WNT8B: variants seen among roughly 807,000 people sequenced by gnomAD.
WNT8B encodes the protein Wnt family member 8B.
In WNT8B, 24 loss-of-function variants were observed where a neutral mutation model predicts 36.6. That is an observed-to-expected ratio of 0.66 (90% CI 0.48 to 0.92). WNT8B has a LOEUF of 0.92. Ranked by LOEUF, WNT8B falls within the 40% of genes least tolerant of loss-of-function variation. WNT8B has a pLI of 0.00. For missense variants in WNT8B, 402 were observed against 470.8 expected, an observed-to-expected ratio of 0.85 and a Z score of 1.35; for synonymous variants, 199 against 189.8, an observed-to-expected ratio of 1.05 and a Z score of -0.40.
At position 100,482,035 on chromosome 10, in the gene WNT8B, A is replaced by G; in HGVS notation, c.491A>G (p.Asn164Ser). Residue 164 changes from asparagine (N) to serine (S), a missense_variant, in exon 5 of 6, where the codon AAC becomes AGC. Asn to Ser is a conservative substitution (Grantham distance 46, BLOSUM62 1). Transcript: ENST00000343737. The surrounding 1 kb of genome is among the most constrained non-coding windows in gnomAD (Gnocchi z 6.6). ...QDARAAMNLH[N>S]NEAGRKAVKG... ...GCACGGGCAGCCATGAACCTGCACA[A>G]CAACGAGGCTGGCCGCAAGGTGAGT... 1 of 1,614,228 alleles carries G rather than the reference A, an allele frequency of 6.2e-7. No homozygotes were observed. The highest frequency in any genetic ancestry group is 1.1e-5 in the South Asian group (1 of 91,082).
rs764994001 is a variant in WNT8B at position 100,482,780 on chromosome 10, G to A, written c.1020G>A (p.Arg340=). The A allele has an allele frequency of 6.3e-7, 1 of 1,587,544 alleles. No homozygotes were observed. ...TCTGTAGCCGCGCAGAGCGGCCGCGGGGGGGCGCTGCGCACAAACCCGGGA... is the reference window on the plus strand; with the variant it reads ...TCTGTAGCCGCGCAGAGCGGCCGCGAGGGGGCGCTGCGCACAAACCCGGGA... The part of the protein sequence containing the change: ...KYFCSRAERP[R]GGAAHKPGRK... The change falls in exon 6 of 6, where the codon CGG becomes CGA. Residue 340 remains arginine, a synonymous_variant. Transcript: ENST00000343737. The surrounding 1 kb of genome is among the most constrained non-coding windows in gnomAD (Gnocchi z 6.6).
Position 100,481,913 on chromosome 10 carries a change from G to A in WNT8B, c.369G>A (p.Gly123=). The A allele has an allele frequency of 1.9e-6, 3 of 1,614,100 alleles. No homozygotes were observed. The highest frequency in any genetic ancestry group is 2.5e-6 in the Non-Finnish European group (3 of 1,180,030). Residue 123 remains glycine (G), a splice_region_variant and synonymous_variant, in exon 5 of 6, where the codon GGG becomes GGA. Transcript: ENST00000343737. ...TGTCCTCCCTCTGCACTTTTCCAGGGGGACAAGGCTGGCTGTGGGGAGGCT... is the reference window on the plus strand; with the variant it reads ...TGTCCTCCCTCTGCACTTTTCCAGGAGGACAAGGCTGGCTGTGGGGAGGCT... ...GCDDSRNGQL[G]GQGWLWGGCS...
At chr10:100,465,882 T>C (rs1850902754) in intron 1 of WNT8B, among the ~76,000 whole-genome samples, 1 of 152,164 alleles carries the variant, frequency 6.6e-6, no homozygotes. Context: ...AATCAGTTAT[T>C]GGAGGAAGGT....
In WNT8B at chr10:100,479,861, T is replaced by A; in HGVS notation, c.103-13T>A. The A allele has an allele frequency of 3.1e-6, 5 of 1,613,620 alleles. No individual in the cohort carries two copies. The highest frequency in any genetic ancestry group is 4.2e-6 in the Non-Finnish European group (5 of 1,179,696). On this transcript the variant is annotated splice_polypyrimidine_tract_variant and intron_variant, in intron 2 of 5. Coordinates refer to ENST00000343737, the MANE Select transcript of WNT8B (RefSeq NM_003393.4). ...TAAGTTCAGTCTGAATTTTTACCCC[T>A]ATGTCCCTACAGGCTTACCTGATTT...
intron 1 of WNT8B, among the ~76,000 whole-genome samples, chr10:100,476,150 CA>C (rs917566659): frequency 1.3e-5 from 2 of 148,670 alleles, no homozygotes; most frequent in South Asian, 2.1e-4. Flanking sequence ...AAAAAAAAAT[CA>C]AAAAAAAATT....
rs1387917318 is a variant in WNT8B, at chr10:100,482,453, C to T, written c.693C>T (p.Arg231=). 3.1e-5 allele frequency: 49 copies of T among 1,604,570 alleles called. No individual in the cohort carries two copies. Among genetic ancestry groups the T allele is most frequent in the Non-Finnish European group, 4.1e-5 (48 of 1,179,852 alleles). Residue 231 remains arginine, a synonymous_variant, in exon 6 of 6, where the codon CGC becomes CGT. Transcript: ENST00000343737. The surrounding 1 kb of genome is among the most constrained non-coding windows in gnomAD (Gnocchi z 6.6). The part of the protein sequence containing the change: ...LQGAGNSAAG[R]GAIADTFRSI... ...GTGCTGGCAACAGCGCGGCCGGCCG[C>T]GGCGCCATCGCCGACACCTTTCGCT...
intron 1 of WNT8B, among the ~76,000 whole-genome samples, chr10:100,473,735 G>T (rs1851003953): frequency 6.6e-6 from 1 of 152,180 alleles, no homozygotes; most frequent in Non-Finnish European, 1.5e-5. Flanking sequence ...AGACCAGCCT[G>T]GCCAACGTGG....
At chr10:100,479,130 G>T (rs1488397067) in intron 2 of WNT8B, 45 bp downstream of exon 2, 2 of 1,535,664 alleles carry the variant, frequency 1.3e-6, no homozygotes, top group Non-Finnish European at 1.8e-6. Context: ...ACTAATCTTA[G>T]CCTGTTGACT....
intron 1 of WNT8B, among the ~76,000 whole-genome samples, chr10:100,476,267 C>T (rs754759423): frequency 5.9e-5 from 9 of 151,984 alleles, no homozygotes; most frequent in Non-Finnish European, 1.3e-4. Context: ...CGAGATGGCA[C>T]CACTCTAGCT....
intron 1 of WNT8B, among the ~76,000 whole-genome samples, chr10:100,473,208 G>T (rs2133653764): frequency 6.6e-6 from 1 of 152,280 alleles, no homozygotes; most frequent in Non-Finnish European, 1.5e-5. Flanking sequence ...AGGCTTCAAG[G>T]TGTGCTGGTT....
At chr10:100,469,445 G>T (rs1850949756) in intron 1 of WNT8B, among the ~76,000 whole-genome samples, 1 of 152,132 alleles carries the variant, frequency 6.6e-6, no homozygotes, top group South Asian at 2.1e-4. Flanking sequence ...CAGATACCTT[G>T]TAACTTCTAC....
rs28628200 is a variant in WNT8B at position 100,478,581 on chromosome 10, G to T, written c.69-471G>T. Among the ~76,000 whole-genome samples the T allele has an allele frequency of 1.7e-4, 24 of 144,832 alleles. No individual in the cohort carries two copies. In the East Asian group the frequency reaches 1.8e-3, roughly 11 times the overall value. On this transcript the variant is annotated intron_variant, in intron 1 of 5. Transcript: ENST00000343737. The stretch of plus-strand genomic sequence containing the variant: ...TCTACTAAGTTTTATGTGTGTGTGT[G>T]TTTTTTTTTTTTTGTTTTGAAACAG...
intron 1 of WNT8B, among the ~76,000 whole-genome samples, chr10:100,468,451 G>A (rs1001762397): frequency 2.6e-5 from 4 of 152,186 alleles, no homozygotes; most frequent in Non-Finnish European, 4.4e-5. Context: ...CCTCCATAAC[G>A]ACTGTGGAAA....
Position 100,482,118 on chromosome 10 carries a change from G to C in WNT8B, c.510+64G>C. On this transcript the variant is annotated intron_variant, in intron 5 of 5. Transcript: ENST00000343737. This position sits in a 1 kb window ranked among gnomAD's most constrained non-coding sequence, Gnocchi z 6.6. ...TATATCCACTACCAGCTCCAGGTGC[G>C]GACAACTCTTCAGTTCATTTAAAAG... 2 of 1,605,500 alleles carry C rather than the reference G, an allele frequency of 1.2e-6. No homozygotes were observed. Among genetic ancestry groups the C allele is most frequent in the Non-Finnish European group, 1.7e-6 (2 of 1,174,574 alleles).
chr10:100,479,344 T>C (rs1219007697), intron 2 of WNT8B, among the ~76,000 whole-genome samples: 2 of 152,170 alleles, frequency 1.3e-5, no homozygotes, highest in Non-Finnish European at 2.9e-5. Flanking sequence ...CAGCCTTTTA[T>C]AGGTGTCAGG....
At chr10:100,472,718 C>T (rs981527629) in intron 1 of WNT8B, among the ~76,000 whole-genome samples, 1 of 152,150 alleles carries the variant, frequency 6.6e-6, no homozygotes, top group African/African-American at 2.4e-5. Flanking sequence ...CACAACTAAC[C>T]ACAGTTATTT....
rs149612127 is a variant in WNT8B, at chr10:100,482,486, T to C, written c.726T>C (p.Ser242=). ...TCGCCGACACCTTTCGCTCCATCTCTACCCGGGAGCTGGTGCACCTGGAGG... is the reference window on the plus strand; with the variant it reads ...TCGCCGACACCTTTCGCTCCATCTCCACCCGGGAGCTGGTGCACCTGGAGG... ...GAIADTFRSI[S]TRELVHLEDS... is the part of the protein sequence containing the mutation. Residue 242 remains serine, a synonymous_variant, in exon 6 of 6, where the codon TCT becomes TCC. Coordinates refer to ENST00000343737, the MANE Select transcript of WNT8B (RefSeq NM_003393.4). The surrounding 1 kb of genome is among the most constrained non-coding windows in gnomAD (Gnocchi z 6.6). 240 of 1,602,726 alleles carry C rather than the reference T, an allele frequency of 1.5e-4. 3 individuals carry two copies. The South Asian group carries it at 2.3e-3, about 15-fold the overall frequency.
At chr10:100,478,467 A>G (rs1177254015) in intron 1 of WNT8B, among the ~76,000 whole-genome samples, 5 of 152,256 alleles carry the variant, frequency 3.3e-5, no homozygotes, top group Admixed American at 6.5e-5. Flanking sequence ...CAGAATAATC[A>G]GCAACCATCA....
In WNT8B at chr10:100,472,114, TTC is replaced by T. The variant is rs1487902538; in HGVS notation, c.69-6936_69-6935del. 3.1e-3 allele frequency among the ~76,000 whole-genome samples: 465 copies of T among 149,828 alleles called. 3 individuals carry two copies. The highest frequency in any genetic ancestry group is 0.011 in the African/African-American group (433 of 40,442). ...GAGGCTGAGGTGGGAAGATTTCTTT[TTC>T]TTTTTTTTTTTTGAGATGGAGTCTT... is the stretch of plus-strand genomic sequence containing the variant. On this transcript the variant is annotated intron_variant, in intron 1 of 5. Transcript: ENST00000343737.
Sources: gnomAD v4.1 joint callset for allele counts (sites outside exome capture counted in the v4.1 genomes callset) on GRCh38, gnomAD v4.1.1 for gene constraint, Gnocchi (gnomAD v3.1) non-coding constraint, MANE v1.5 for transcripts, NCBI Gene and HGNC (gene_info 2026-07-23, HGNC 2026-07-21) for gene names.